AGK: variants seen among roughly 807,000 people sequenced by gnomAD.
The protein encoded by AGK is acylglycerol kinase, mitochondrial.
Under a neutral mutation model 66.4 loss-of-function variants are expected in AGK, and 52 were observed. The ratio of observed to expected loss-of-function variants is 0.78; its 90% confidence interval spans 0.63 to 0.99. The LOEUF is 0.99. Ranked by LOEUF, AGK falls within the 50% of genes least tolerant of loss-of-function variation. AGK has a pLI of 0.00. For missense variants in AGK, 451 were observed against 506.6 expected, an observed-to-expected ratio of 0.89 and a Z score of 1.05; for synonymous variants, 182 against 181.1, an observed-to-expected ratio of 1.00 and a Z score of -0.04.
intron 4 of AGK, among the ~76,000 whole-genome samples, chr7:141,600,289 C>T (rs1796315740): frequency 6.6e-6 from 1 of 151,968 alleles, no homozygotes; most frequent in Non-Finnish European, 1.5e-5. Context: ...ATTAGTTTGA[C>T]TTTGAGACTA....
chr7:141,584,091 A>G (rs1487954156), intron 2 of AGK, among the ~76,000 whole-genome samples: 3 of 152,124 alleles, frequency 2.0e-5, no homozygotes, highest in Non-Finnish European at 1.5e-5. Flanking sequence ...TGTGTGAGCA[A>G]TAAAGCTTTT....
chr7:141,593,575 C>T (rs889225783), intron 3 of AGK: 4 of 558,342 alleles, frequency 7.2e-6, no homozygotes, highest in African/African-American at 5.6e-5. Flanking sequence ...AAAGTCAAAT[C>T]TTCTTAAAAT....
chr7:141,554,197 A>T (rs1795159649), intron 1 of AGK, among the ~76,000 whole-genome samples: 1 of 152,048 alleles, frequency 6.6e-6, no homozygotes, highest in Non-Finnish European at 1.5e-5. Context: ...AAAGAAAAAA[A>T]TTAGCCAAGT....
At chr7:141,559,738 CTT>C (rs1795296733) in intron 2 of AGK, among the ~76,000 whole-genome samples, 1 of 151,898 alleles carries the variant, frequency 6.6e-6, no homozygotes, top group South Asian at 2.1e-4. Context: ...CACGGGATGT[CTT>C]TTTATTGTAC....
chr7:141,629,108 G>T (rs1429941047), intron 9 of AGK, among the ~76,000 whole-genome samples: 1 of 152,018 alleles, frequency 6.6e-6, no homozygotes, highest in Non-Finnish European at 1.5e-5. Flanking sequence ...TTAAGATGAT[G>T]CTTGAAGCTG....
At chr7:141,556,175 T>C (rs1795206476) in intron 2 of AGK, among the ~76,000 whole-genome samples, 1 of 152,122 alleles carries the variant, frequency 6.6e-6, no homozygotes. Flanking sequence ...TTGCATTCTT[T>C]TGAGTTTCTG....
Position 141,649,404 on chromosome 7 carries a change from T to G in AGK, c.1046+71T>G, listed in dbSNP as rs190220117. On this transcript the variant is annotated intron_variant, in intron 14 of 15. Transcript: ENST00000649286. ...AGATTTTACTATTCAGAGTGCCCCA[T>G]GAAGTCTAAGACAGAAATCCAGCCA... The G allele has an allele frequency of 8.8e-4, 1,019 of 1,161,868 alleles. 1 individual carries two copies. Among genetic ancestry groups the G allele is most frequent in the Admixed American group, 1.9e-3 (100 of 53,518 alleles). 72.0% of individuals were successfully genotyped at this position (1,161,868 alleles called of 1,614,324 possible). A position where few individuals can be genotyped will look rare whatever the true frequency, so the allele number is the denominator to read the frequency against.
rs1421584156 is a variant in AGK at position 141,621,672 on chromosome 7, G to T, written c.519-60G>T. 7.4e-6 allele frequency: 8 copies of T among 1,079,534 alleles called. No homozygotes were observed. In the East Asian group the frequency reaches 1.9e-4, roughly 25 times the overall value. The allele number at this position is 1,079,534 out of a possible 1,614,324, so 66.9% of individuals were successfully genotyped here. On this transcript the variant is annotated intron_variant, in intron 8 of 15. Coordinates refer to ENST00000649286, the MANE Select transcript of AGK (RefSeq NM_018238.4). ...TGTTTGTGCATGAGTGCATGTGGCA[G>T]TGTGGTGGGGGAGATGTTGCCTATT...
intron 1 of AGK, among the ~76,000 whole-genome samples, chr7:141,552,162 A>C (rs1446764546): frequency 1.3e-5 from 2 of 152,236 alleles, no homozygotes; most frequent in Non-Finnish European, 2.9e-5. Context: ...AGGAGCCTAC[A>C]GATTATGGCA....
rs1449014693 is a variant in AGK at position 141,623,406 on chromosome 7, AAG to A, written c.588+1607_588+1608del. Among the ~76,000 whole-genome samples, 721 of 151,596 alleles carry A rather than the reference AAG, an allele frequency of 4.8e-3. 7 individuals carry two copies. Among genetic ancestry groups the A allele is most frequent in the African/African-American group, 0.017 (681 of 41,246 alleles). On this transcript the variant is annotated intron_variant, in intron 9 of 15. Coordinates refer to ENST00000649286, the MANE Select transcript of AGK (RefSeq NM_018238.4). ...AAAAAAAAAAAAGAAAAAAAAAAGAAAGAAAAAAAAAAAGAAAGTGAAGCAGC... is the reference window on the plus strand; with the variant it reads ...AAAAAAAAAAAAGAAAAAAAAAAGAAAAAAAAAAAAAGAAAGTGAAGCAGC...
intron 13 of AGK, among the ~76,000 whole-genome samples, chr7:141,644,961 C>T (rs1230769387): frequency 6.6e-6 from 1 of 151,864 alleles, no homozygotes; most frequent in Non-Finnish European, 1.5e-5. Flanking sequence ...TATACTAATA[C>T]TCTGCTTCTC....
chr7:141,574,045 A>C (rs951949959), intron 2 of AGK, among the ~76,000 whole-genome samples: 1 of 152,208 alleles, frequency 6.6e-6, no homozygotes, highest in African/African-American at 2.4e-5. Context: ...ATAATGGCTG[A>C]TGGCACAAAA....
intron 5 of AGK, among the ~76,000 whole-genome samples, chr7:141,605,077 A>G (rs2116942651): frequency 6.6e-6 from 1 of 152,192 alleles, no homozygotes; most frequent in African/African-American, 2.4e-5. Flanking sequence ...TGTCTTTCTC[A>G]ATGCATAATA....
chr7:141,586,391 A>G (rs1305563460), intron 2 of AGK, among the ~76,000 whole-genome samples: 1 of 152,228 alleles, frequency 6.6e-6, no homozygotes, highest in Non-Finnish European at 1.5e-5. Context: ...AATAACCTTC[A>G]GTTTCTCCTG....
rs182837259 is a variant in AGK, at chr7:141,557,513, G to A, written c.101+1946G>A. ...TTCCCACCCACTGAGGATTACTGCT[G>A]TTTCTACGACTAGGTGAAGATTTGA... On this transcript the variant is annotated intron_variant, in intron 2 of 15. Coordinates refer to ENST00000649286, the MANE Select transcript of AGK (RefSeq NM_018238.4). 7.2e-5 allele frequency among the ~76,000 whole-genome samples: 11 copies of A among 152,332 alleles called. No individual in the cohort carries two copies. The East Asian group carries it at 2.1e-3, about 29-fold the overall frequency.
Position 141,624,404 on chromosome 7 carries a change from G to A in AGK, c.588+2603G>A, listed in dbSNP as rs554081091. 7.2e-5 allele frequency among the ~76,000 whole-genome samples: 11 copies of A among 152,138 alleles called. No individual in the cohort carries two copies. In the South Asian group the frequency reaches 1.5e-3, roughly 20 times the overall value. ...GATAGTGATTCCTCTGAAGGATCTG[G>A]GCAAAGTAAATTGAAAACCTTCTGG... is the stretch of plus-strand genomic sequence containing the variant. On this transcript the variant is annotated intron_variant, in intron 9 of 15. Coordinates refer to ENST00000649286, the MANE Select transcript of AGK (RefSeq NM_018238.4).
rs1417938222 is a variant in AGK, at chr7:141,655,123, G to A, written c.*2199G>A. ...GGCTTTCTTTTCTGATAGGCTACCA[G>A]TGTGTGTTTATGTGTGCTCATTTTG... On this transcript the variant is annotated 3_prime_UTR_variant, in exon 16 of 16. Transcript: ENST00000649286. The A allele has an allele frequency of 6.6e-6, 1 of 152,230 alleles. No individual in the cohort carries two copies. The highest frequency in any genetic ancestry group is 1.5e-5 in the Non-Finnish European group (1 of 68,044). The allele number at this position is 152,230 out of a possible 1,614,324, so 9.4% of individuals were successfully genotyped here. A position where few individuals can be genotyped will look rare whatever the true frequency, so the allele number is the denominator to read the frequency against.
At chr7:141,576,803 G>A (rs1795749330) in intron 2 of AGK, among the ~76,000 whole-genome samples, 1 of 152,014 alleles carries the variant, frequency 6.6e-6, no homozygotes, top group African/African-American at 2.4e-5. Flanking sequence ...ACTTTGGGAG[G>A]CTGAGGTGGG....
rs1158411759 is a variant in AGK at position 141,598,362 on chromosome 7, T to G, written c.221+1721T>G. On this transcript the variant is annotated intron_variant, in intron 4 of 15. Transcript: ENST00000649286. This position sits in a 1 kb window ranked among gnomAD's most constrained non-coding sequence, Gnocchi z 4.2. ...TATAACACAGTCAAAATACCTAAGATAAGTAAATTGTCAGTGGTGGCCCGT... is the reference window on the plus strand; with the variant it reads ...TATAACACAGTCAAAATACCTAAGAGAAGTAAATTGTCAGTGGTGGCCCGT... 2.0e-5 allele frequency among the ~76,000 whole-genome samples: 3 copies of G among 152,136 alleles called. No individual in the cohort carries two copies. Among genetic ancestry groups the G allele is most frequent in the Non-Finnish European group, 2.9e-5 (2 of 68,030 alleles).
Sources: gnomAD v4.1 joint callset for allele counts (sites outside exome capture counted in the v4.1 genomes callset) on GRCh38, gnomAD v4.1.1 for gene constraint, Gnocchi (gnomAD v3.1) non-coding constraint, MANE v1.5 for transcripts, NCBI Gene and HGNC (gene_info 2026-07-23, HGNC 2026-07-21) for gene names.